The following MGAT4C variants were observed in gnomAD, a reference collection of about 807,000 sequenced individuals.
MGAT4C encodes the protein alpha-1,3-mannosyl-glycoprotein 4-beta-N-acetylglucosaminyltransferase C.
A neutral mutation model predicts 40.1 loss-of-function variants in MGAT4C; 19 were observed. The ratio of observed to expected loss-of-function variants is 0.47; its 90% CI spans 0.33 to 0.70. The LOEUF (loss-of-function observed/expected upper bound fraction) is 0.70, where lower values mean the gene tolerates loss of function less well. Among genes scored for constraint, MGAT4C ranks in the 30% least tolerant of loss-of-function variants. MGAT4C has a pLI of 0.02. For missense variants in MGAT4C, 491 were observed against 563.2 expected, an observed-to-expected ratio of 0.87 and a Z score of 1.30; for synonymous variants, 181 against 187.1, an observed-to-expected ratio of 0.97 and a Z score of 0.27.
chr12:86,462,044 C>A (rs908153021), intron 2 of MGAT4C, among the ~76,000 whole-genome samples: 3 of 152,148 alleles, frequency 2.0e-5, no homozygotes, highest in African/African-American at 7.2e-5. Context: ...GAAATGTGTT[C>A]TTTTGCATTC....
chr12:86,725,017 ATC>A (rs1308337638), intron 2 of MGAT4C, among the ~76,000 whole-genome samples: 4 of 152,232 alleles, frequency 2.6e-5, no homozygotes, highest in Non-Finnish European at 5.9e-5. Context: ...ATAAAACTTT[ATC>A]TGTCCATTTA....
intron 2 of MGAT4C, among the ~76,000 whole-genome samples, chr12:86,636,691 C>A (rs559625936): frequency 6.6e-6 from 1 of 152,024 alleles, no homozygotes; most frequent in Non-Finnish European, 1.5e-5. Context: ...TGTTGTTTAA[C>A]AACTGAATAA....
At chr12:86,082,885 A>G (rs1451783898) in intron 1 of MGAT4C, among the ~76,000 whole-genome samples, 1 of 151,718 alleles carries the variant, frequency 6.6e-6, no homozygotes, top group Non-Finnish European at 1.5e-5. Context: ...AATACCTTTT[A>G]TTTAAATTAT....
intron 2 of MGAT4C, among the ~76,000 whole-genome samples, chr12:86,599,832 A>G (rs1019909088): frequency 2.6e-5 from 4 of 152,194 alleles, no homozygotes; most frequent in African/African-American, 9.6e-5. Context: ...CATACTGTCT[A>G]CTATAGTTAT....
At chr12:86,649,525 T>C (rs982157487) in intron 2 of MGAT4C, among the ~76,000 whole-genome samples, 1 of 151,776 alleles carries the variant, frequency 6.6e-6, no homozygotes, top group Admixed American at 6.6e-5. Context: ...ACGTTCTTTA[T>C]GCAGATATAA....
upstream of MGAT4C, among the ~76,000 whole-genome samples, chr12:86,259,052 T>TATGAATATA (rs1228997440): frequency 2.6e-5 from 4 of 151,988 alleles, no homozygotes; most frequent in African/African-American, 9.7e-5. Flanking sequence ...ATAGTTCATA[T>TATGAATATA]ATGAATATCA....
chr12:86,501,744 T>C (rs961645282), intron 2 of MGAT4C, among the ~76,000 whole-genome samples: 11 of 152,210 alleles, frequency 7.2e-5, no homozygotes, highest in South Asian at 4.1e-4. Flanking sequence ...CAGTGTATCA[T>C]TGATGGGGGT....
At chr12:86,380,147 T>C (rs1955901698) in intron 3 of MGAT4C, among the ~76,000 whole-genome samples, 1 of 152,158 alleles carries the variant, frequency 6.6e-6, no homozygotes, top group Non-Finnish European at 1.5e-5. Flanking sequence ...TGAATACGTT[T>C]AAATTGGTTC....
rs145650916 is a variant in MGAT4C at position 86,623,327 on chromosome 12, A to G, written c.-229+103882T>C. ...TAGGAAAATTACTAGAATTTCCTACATTTTCTAAGATCCAAAACAAACTCA... is the reference window on the plus strand; with the variant it reads ...TAGGAAAATTACTAGAATTTCCTACGTTTTCTAAGATCCAAAACAAACTCA... On this transcript the variant is annotated intron_variant, in intron 2 of 7. Coordinates refer to the MGAT4C transcript ENST00000548651. 1.5e-4 allele frequency among the ~76,000 whole-genome samples: 23 copies of G among 152,272 alleles called. No individual in the cohort carries two copies. The East Asian group carries it at 4.1e-3, about 27-fold the overall frequency.
chr12:86,508,219 A>C (rs980325629), intron 2 of MGAT4C, among the ~76,000 whole-genome samples: 4 of 150,640 alleles, frequency 2.7e-5, no homozygotes, highest in Admixed American at 2.0e-4. Context: ...TTCCCCCACC[A>C]TACGACAGTC....
intron 2 of MGAT4C, among the ~76,000 whole-genome samples, chr12:86,670,418 A>T (rs1267521055): frequency 6.6e-6 from 1 of 152,140 alleles, no homozygotes; most frequent in Non-Finnish European, 1.5e-5. Context: ...AAAAAAACTC[A>T]TTTAAGTAAT....
chr12:86,136,046 T>TA (rs1881899394), intron 1 of MGAT4C, among the ~76,000 whole-genome samples: 1 of 152,208 alleles, frequency 6.6e-6, no homozygotes, highest in African/African-American at 2.4e-5. Flanking sequence ...ACTGGAGAAT[T>TA]AGTTTTGCTT....
chr12:86,011,938 C>T (rs1888500257), intron 2 of MGAT4C: 2 of 815,518 alleles, frequency 2.5e-6, no homozygotes, highest in South Asian at 1.1e-4. Context: ...AGATGAGTTA[C>T]TTGAGCAGGA....
At chr12:86,607,696 C>T (rs1962092786) in intron 2 of MGAT4C, among the ~76,000 whole-genome samples, 1 of 152,080 alleles carries the variant, frequency 6.6e-6, no homozygotes, top group South Asian at 2.1e-4. Context: ...TAGGATTAGC[C>T]TTTAAAAATC....
chr12:86,690,487 T>C (rs1950154121), intron 2 of MGAT4C, among the ~76,000 whole-genome samples: 2 of 152,028 alleles, frequency 1.3e-5, no homozygotes, highest in Admixed American at 6.6e-5. Context: ...GCGAAAACCA[T>C]GGGAAAAGCA....
chr12:86,725,911 G>C (rs867585898), intron 2 of MGAT4C, among the ~76,000 whole-genome samples: 1 of 152,120 alleles, frequency 6.6e-6, no homozygotes, highest in Admixed American at 6.5e-5. Context: ...TTGCATTATG[G>C]TTGCATTTTT....
rs1429167729 is a variant in MGAT4C, at chr12:85,966,845, T to C, written c.*12444A>G. The C allele has an allele frequency of 1.3e-5, 2 of 148,744 alleles. No individual in the cohort carries two copies. Among genetic ancestry groups the C allele is most frequent in the Non-Finnish European group, 1.5e-5 (1 of 67,446 alleles). 9.2% of individuals were successfully genotyped at this position (148,744 alleles called of 1,614,324 possible). ...TGTTCTCATAGGTGGGAACTGAACA[T>C]TGAGAACACATAGACACAGGAAGGG... On this transcript the variant is annotated 3_prime_UTR_variant, in exon 5 of 5. Transcript: ENST00000611864.
chr12:86,101,402 ATT>A (rs1372540144), intron 1 of MGAT4C, among the ~76,000 whole-genome samples: 1 of 151,876 alleles, frequency 6.6e-6, no homozygotes, highest in Non-Finnish European at 1.5e-5. Context: ...TAAAGGAAAA[ATT>A]CTTAACTGCT....
chr12:86,512,405 G>A (rs957925976), intron 2 of MGAT4C, among the ~76,000 whole-genome samples: 14 of 151,992 alleles, frequency 9.2e-5, no homozygotes, highest in Admixed American at 6.6e-4. Flanking sequence ...TCCTACTTCT[G>A]TATATTTATT....
Sources: allele counts gnomAD v4.1 joint callset (sites outside exome capture counted in the v4.1 genomes callset), GRCh38; gene constraint gnomAD v4.1.1; transcripts MANE v1.5; gene names NCBI Gene and HGNC (gene_info 2026-07-23, HGNC 2026-07-21).